Variants in KIF26B observed in about 807,000 individuals in gnomAD.
The protein encoded by KIF26B is kinesin-like protein KIF26B.
A neutral mutation model predicts 151.2 loss-of-function variants in KIF26B; 63 were observed. The observed-to-expected ratio is 0.42, with a 90% confidence interval of 0.34 to 0.51. The LOEUF (loss-of-function observed/expected upper bound fraction) is 0.51, where lower values mean the gene tolerates loss of function less well. Ranked by LOEUF, KIF26B falls within the 20% of genes least tolerant of loss-of-function variation. The pLI, the probability that KIF26B is intolerant of heterozygous loss-of-function variation, is 0.07. For synonymous variants in KIF26B, 1,357 were observed against 1,262.1 expected (o/e 1.08, Z -1.59); for missense variants, 2,813 against 2,913.6 (o/e 0.97, Z 0.79).
intron 10 of KIF26B, among the ~76,000 whole-genome samples, chr1:245,649,913 C>T (rs1357837304): frequency 2.0e-5 from 3 of 152,244 alleles, no homozygotes; most frequent in Non-Finnish European, 2.9e-5. Flanking sequence ...TTCCCACAGG[C>T]ACCCTCCATG....
chr1:245,341,333 T>C (rs1342854363), intron 2 of KIF26B, among the ~76,000 whole-genome samples: 1 of 111,990 alleles, frequency 8.9e-6, no homozygotes, highest in African/African-American at 4.9e-5. Context: ...TTTTTTTTTT[T>C]TTTTTGAGAC....
chr1:245,171,667 T>C (rs1435604618), intron 2 of KIF26B, among the ~76,000 whole-genome samples: 1 of 152,220 alleles, frequency 6.6e-6, no homozygotes, highest in Non-Finnish European at 1.5e-5. Context: ...TCTTTTAAAT[T>C]ATTAGCATTT....
At chr1:245,185,177 C>T (rs537162301) in intron 2 of KIF26B, among the ~76,000 whole-genome samples, 3 of 150,192 alleles carry the variant, frequency 2.0e-5, no homozygotes, top group East Asian at 3.9e-4. Flanking sequence ...CTTGCTCTGT[C>T]GCCTAGGCTG....
intron 9 of KIF26B, among the ~76,000 whole-genome samples, chr1:245,642,640 G>A (rs1265962031): frequency 1.3e-5 from 2 of 150,896 alleles, no homozygotes; most frequent in Admixed American, 6.6e-5. Context: ...GCATCTTCTA[G>A]TAAGTCCCTG....
At chr1:245,453,097 A>T (rs1659435028) in intron 4 of KIF26B, among the ~76,000 whole-genome samples, 1 of 152,056 alleles carries the variant, frequency 6.6e-6, no homozygotes, top group African/African-American at 2.4e-5. Flanking sequence ...TTTTGAGTTA[A>T]TTTTTTGTGT....
At chr1:245,328,576 C>T (rs1420652867) in intron 2 of KIF26B, among the ~76,000 whole-genome samples, 2 of 152,124 alleles carry the variant, frequency 1.3e-5, no homozygotes, top group African/African-American at 4.8e-5. Flanking sequence ...CCTAGAGTGG[C>T]CAGTGCACCA....
chr1:245,522,669 C>T (rs1661154491), intron 4 of KIF26B, among the ~76,000 whole-genome samples: 1 of 152,128 alleles, frequency 6.6e-6, no homozygotes, highest in Non-Finnish European at 1.5e-5. Flanking sequence ...TGAGAATGTC[C>T]TTTTTTGACT....
At chr1:245,650,220 G>A (rs2044000331) in intron 10 of KIF26B, among the ~76,000 whole-genome samples, 1 of 152,210 alleles carries the variant, frequency 6.6e-6, no homozygotes, top group Admixed American at 6.5e-5. Context: ...GCCCTCATTC[G>A]ATCATTTTGA....
chr1:245,161,541 A>G (rs1217556919), intron 2 of KIF26B, among the ~76,000 whole-genome samples: 1 of 152,226 alleles, frequency 6.6e-6, no homozygotes, highest in Non-Finnish European at 1.5e-5. Context: ...AGATTGTACC[A>G]TGAGTGGGCC....
intron 9 of KIF26B, among the ~76,000 whole-genome samples, chr1:245,640,716 T>C (rs1202020482): frequency 6.6e-6 from 1 of 152,126 alleles, no homozygotes; most frequent in African/African-American, 2.4e-5. Flanking sequence ...TACAAAAACA[T>C]CCTGTAATTA....
Position 245,551,044 on chromosome 1 carries a change from T to C in KIF26B, c.1350+10094T>C, listed in dbSNP as rs1252595397. Among the ~76,000 whole-genome samples the C allele has an allele frequency of 3.9e-5, 6 of 152,270 alleles. No homozygotes were observed. In the South Asian group the frequency reaches 1.2e-3, roughly 32 times the overall value. ...ATCATGCATTTGATTTGCTCCTTGT[T>C]TTATGTAAATATATAATTTTAGACA... On this transcript the variant is annotated intron_variant, in intron 5 of 14. Coordinates refer to ENST00000407071, the MANE Select transcript of KIF26B (RefSeq NM_018012.4).
intron 2 of KIF26B, among the ~76,000 whole-genome samples, chr1:245,240,260 C>A (rs574395122): frequency 1.3e-5 from 2 of 152,130 alleles, no homozygotes; most frequent in Non-Finnish European, 2.9e-5. Context: ...CCACTTTCGC[C>A]GCTTCCATGG....
intron 2 of KIF26B, among the ~76,000 whole-genome samples, chr1:245,179,655 A>C (rs993871540): frequency 6.6e-6 from 1 of 152,172 alleles, no homozygotes; most frequent in Non-Finnish European, 1.5e-5. Context: ...GGAGACCCCA[A>C]CATTGGTCGT....
At chr1:245,327,233 G>T (rs1672009458) in intron 2 of KIF26B, among the ~76,000 whole-genome samples, 1 of 152,200 alleles carries the variant, frequency 6.6e-6, no homozygotes, top group African/African-American at 2.4e-5. Context: ...TCAGTCTCTG[G>T]TTAGGACCAT....
At chr1:245,500,504 G>A (rs1660598591) in intron 4 of KIF26B, among the ~76,000 whole-genome samples, 1 of 152,218 alleles carries the variant, frequency 6.6e-6, no homozygotes, top group African/African-American at 2.4e-5. Context: ...AACTGGGTTT[G>A]TTGTAAGTAA....
chr1:245,694,427 C>T (rs1480763027), intron 12 of KIF26B, among the ~76,000 whole-genome samples: 3 of 152,222 alleles, frequency 2.0e-5, no homozygotes, highest in Non-Finnish European at 4.4e-5. Flanking sequence ...GGAGGGCTCT[C>T]AGGAGCAGGA....
In KIF26B at chr1:245,601,241, C is replaced by T. The variant is rs1572150944; in HGVS notation, c.1351-1336C>T. Among the ~76,000 whole-genome samples the T allele has an allele frequency of 2.0e-5, 3 of 152,180 alleles. No individual in the cohort carries two copies. The highest frequency in any genetic ancestry group is 2.0e-4 in the Admixed American group (3 of 15,284). On this transcript the variant is annotated intron_variant, in intron 5 of 14. Coordinates refer to ENST00000407071, the MANE Select transcript of KIF26B (RefSeq NM_018012.4). This position sits in a 1 kb window ranked among gnomAD's most constrained non-coding sequence, Gnocchi z 4.4. The stretch of plus-strand genomic sequence containing the variant: ...AACTGTTCTTAAGTTAGAAGGCAAG[C>T]ACAGCGGGGACACGGTGCAGGACAC...
chr1:245,411,416 G>A (rs1190015218), intron 3 of KIF26B, among the ~76,000 whole-genome samples: 1 of 152,240 alleles, frequency 6.6e-6, no homozygotes, highest in Non-Finnish European at 1.5e-5. Context: ...AAACACAGAC[G>A]CTGCAGAAGA....
At chr1:245,634,270 T>A (rs907491750) in intron 9 of KIF26B, among the ~76,000 whole-genome samples, 10 of 152,374 alleles carry the variant, frequency 6.6e-5, no homozygotes, top group African/African-American at 2.4e-4. Flanking sequence ...GGTGACTATA[T>A]CACCAATGAA....
Sources: allele counts gnomAD v4.1 joint callset (sites outside exome capture counted in the v4.1 genomes callset), GRCh38; gene constraint gnomAD v4.1.1; non-coding constraint Gnocchi (gnomAD v3.1); transcripts MANE v1.5; gene names NCBI Gene and HGNC (gene_info 2026-07-23, HGNC 2026-07-21).